CUL3: variants seen among roughly 807,000 people sequenced by gnomAD.
The protein encoded by CUL3 is cullin 3.
Under a neutral mutation model 89.1 loss-of-function variants are expected in CUL3, and 19 were observed. The observed-to-expected ratio is 0.21, with a 90% CI of 0.15 to 0.31. CUL3 has a LOEUF of 0.31. Ranked by LOEUF, CUL3 falls within the 10% of genes least tolerant of loss-of-function variation. The pLI is 1.00. For synonymous variants in CUL3, 351 were observed against 308.4 expected, an observed-to-expected ratio of 1.14 and a Z score of -1.45; for missense variants, 469 against 942.3, an observed-to-expected ratio of 0.50 and a Z score of 6.58.
intron 15 of CUL3, among the ~76,000 whole-genome samples, chr2:224,477,809 T>A (rs1176379174): frequency 5.9e-5 from 9 of 152,232 alleles, no homozygotes; most frequent in Admixed American, 2.6e-4. Context: ...CTCTCCCACC[T>A]ATCTTAATGG....
intron 13 of CUL3, among the ~76,000 whole-genome samples, chr2:224,483,030 A>C (rs1016836599): frequency 7.9e-5 from 12 of 152,194 alleles, no homozygotes; most frequent in African/African-American, 2.9e-4. Context: ...TTCTCCTAAA[A>C]AACTGTCAGG....
intron 13 of CUL3, among the ~76,000 whole-genome samples, chr2:224,492,194 C>A (rs957318052): frequency 2.0e-5 from 3 of 152,126 alleles, no homozygotes; most frequent in African/African-American, 7.2e-5. Context: ...CGCTAAACAG[C>A]CTTCAATTTT....
chr2:224,561,075 C>T (rs1223183776), intron 1 of CUL3, among the ~76,000 whole-genome samples: 1 of 152,188 alleles, frequency 6.6e-6, no homozygotes, highest in East Asian at 1.9e-4. Flanking sequence ...TTTACAGTAA[C>T]AGCCTCACCT....
chr2:224,584,895 T>TCGGCCCGGCCCC, intron 1 of CUL3, 49 bp downstream of exon 1: 1 of 1,398,346 alleles, frequency 7.2e-7, no homozygotes, highest in Non-Finnish European at 9.5e-7. Flanking sequence ...CGTGCGGCTC[T>TCGGCCCGGCCCC]CGGCCCGGCC....
At chr2:224,513,123 T>G (rs1051435025) in intron 5 of CUL3, among the ~76,000 whole-genome samples, 1 of 152,224 alleles carries the variant, frequency 6.6e-6, no homozygotes, top group African/African-American at 2.4e-5. Context: ...GAGTACAATA[T>G]GCAATACATA....
intron 3 of CUL3, among the ~76,000 whole-genome samples, chr2:224,525,493 T>C (rs991274971): frequency 6.6e-6 from 1 of 152,228 alleles, no homozygotes; most frequent in African/African-American, 2.4e-5. Flanking sequence ...GATACAGGTA[T>C]GTAATAAATG....
In CUL3 at chr2:224,510,299, G is replaced by GTT. The variant is rs66793446; in HGVS notation, c.883+1053_883+1054dup. Among the ~76,000 whole-genome samples, 1,059 of 115,278 alleles carry GTT rather than the reference G, an allele frequency of 9.2e-3. 8 individuals carry two copies. Among genetic ancestry groups the GTT allele is most frequent in the African/African-American group, 0.024 (779 of 32,354 alleles). 75.6% of individuals were successfully genotyped at this position (115,278 alleles called of 152,430 possible). A position where few individuals can be genotyped will look rare whatever the true frequency, so the allele number is the denominator to read the frequency against. On this transcript the variant is annotated intron_variant, in intron 6 of 15. Coordinates refer to ENST00000264414, the MANE Select transcript of CUL3 (RefSeq NM_003590.5). The stretch of plus-strand genomic sequence containing the variant: ...AAAGGAAGCCTCTCTAGTTTTTTTT[G>GTT]TTTTTTTTTTGTTTTTTTAAATTAC...
At chr2:224,498,177 T>C (rs1692239904) in intron 11 of CUL3, among the ~76,000 whole-genome samples, 1 of 152,200 alleles carries the variant, frequency 6.6e-6, no homozygotes, top group Admixed American at 6.5e-5. Context: ...AATCAATTTG[T>C]TCTAAGTCAG....
intron 15 of CUL3, 22 bp from the exon 16 acceptor site, chr2:224,474,398 A>G (rs768387653): frequency 6.2e-7 from 1 of 1,604,444 alleles, no homozygotes; most frequent in South Asian, 1.1e-5. Context: ...AGTAGATAGT[A>G]TTTTTATATA....
intron 13 of CUL3, among the ~76,000 whole-genome samples, chr2:224,482,381 T>C (rs1471993413): frequency 1.3e-5 from 2 of 152,166 alleles, no homozygotes; most frequent in East Asian, 3.8e-4. Flanking sequence ...CTTCAACATT[T>C]AGGTAAAAAT....
intron 1 of CUL3, among the ~76,000 whole-genome samples, chr2:224,583,562 A>C (rs79393233): frequency 0.073 from 11,123 of 152,300 alleles, 618 homozygotes; most frequent in African/African-American, 0.14. Flanking sequence ...GTTTACTTAG[A>C]AAAAAGTTTG....
intron 1 of CUL3, among the ~76,000 whole-genome samples, chr2:224,583,016 A>G (rs1393082860): frequency 6.6e-6 from 1 of 152,174 alleles, no homozygotes; most frequent in Non-Finnish European, 1.5e-5. Context: ...CATTTTAGCA[A>G]AAAATCTTAT....
intron 3 of CUL3, among the ~76,000 whole-genome samples, chr2:224,516,396 G>T (rs1325748838): frequency 6.8e-6 from 1 of 146,328 alleles, no homozygotes; most frequent in Non-Finnish European, 1.5e-5. Flanking sequence ...GGCTCACTGT[G>T]AACTCTGCCT....
At chr2:224,552,010 T>C (rs2106294285) in intron 2 of CUL3, among the ~76,000 whole-genome samples, 2 of 152,336 alleles carry the variant, frequency 1.3e-5, no homozygotes, top group East Asian at 3.9e-4. Flanking sequence ...CTTGTTTACC[T>C]GTTTACTATC....
Position 224,470,640 on chromosome 2 carries a change from C to G in CUL3, c.*3605G>C. ...CCCACTTAAGTATGTAAAACTTTCT[C>G]TAAGATTGTAGGAGACAAAGCGCCT... On this transcript the variant is annotated 3_prime_UTR_variant, in exon 16 of 16. Coordinates refer to ENST00000264414, the MANE Select transcript of CUL3 (RefSeq NM_003590.5). The G allele has an allele frequency of 4.3e-6, 1 of 231,852 alleles. No homozygotes were observed. Among genetic ancestry groups the G allele is most frequent in the Non-Finnish European group, 8.5e-6 (1 of 117,190 alleles). 14.4% of individuals were successfully genotyped at this position (231,852 alleles called of 1,614,324 possible).
chr2:224,473,999 GCA>G lies in CUL3; in HGVS notation c.*244_*245del, dbSNP rs1282318913. On this transcript the variant is annotated 3_prime_UTR_variant, in exon 16 of 16. Coordinates refer to ENST00000264414, the MANE Select transcript of CUL3 (RefSeq NM_003590.5). Reference sequence around the variant, plus strand: ...CATACAGTAAAGAAAACAAAACGCAGCACATTCACATTTTCCCGAGGAACTGT... The same window carrying G: ...CATACAGTAAAGAAAACAAAACGCAGCATTCACATTTTCCCGAGGAACTGT... The G allele has an allele frequency of 9.3e-6, 3 of 322,772 alleles. No individual in the cohort carries two copies. Among genetic ancestry groups the G allele is most frequent in the Middle Eastern group, 8.3e-4 (1 of 1,200 alleles). 20.0% of individuals were successfully genotyped at this position (322,772 alleles called of 1,614,324 possible).
intron 11 of CUL3, 110 bp downstream of exon 11, chr2:224,500,253 G>A (rs2106188682): frequency 2.4e-6 from 3 of 1,273,552 alleles, no homozygotes; most frequent in Non-Finnish European, 3.3e-6. Flanking sequence ...TGATCACGAG[G>A]TAATAAATGG....
In CUL3 at chr2:224,481,995, C is replaced by T. The variant is rs1277117048; in HGVS notation, c.1926G>A (p.Arg642=). 1.2e-6 allele frequency: 2 copies of T among 1,607,670 alleles called. No homozygotes were observed. Among genetic ancestry groups the T allele is most frequent in the South Asian group, 1.1e-5 (1 of 89,048 alleles). The change falls in exon 14 of 16, where the codon CGG becomes CGA. Residue 642 remains arginine, a synonymous_variant. Transcript: ENST00000264414. The part of the protein sequence containing the change: ...QSLACGKPTQ[R]VLTKEPKSKE... ...TTGATTTGGGTTCTTTTGTAAGAAC[C>T]CGCTGTGTTGGTTTACCACAGGCGA...
At chr2:224,530,486 T>C (rs1163113772) in intron 3 of CUL3, among the ~76,000 whole-genome samples, 1 of 152,214 alleles carries the variant, frequency 6.6e-6, no homozygotes, top group East Asian at 1.9e-4. Context: ...CTTTTTTGAT[T>C]TCTGAAAAAT....
Sources: gnomAD v4.1 joint callset for allele counts (sites outside exome capture counted in the v4.1 genomes callset) on GRCh38, gnomAD v4.1.1 for gene constraint, MANE v1.5 for transcripts, NCBI Gene and HGNC (gene_info 2026-07-23, HGNC 2026-07-21) for gene names.